The following NF1 variants were observed in gnomAD, a reference collection of about 807,000 sequenced individuals.
NF1 encodes the protein neurofibromin 1, also known as neurofibromin.
In NF1, 122 loss-of-function variants were observed where a neutral mutation model predicts 325.7. That is an observed-to-expected ratio of 0.37 (90% confidence interval 0.32 to 0.44). NF1 has a LOEUF of 0.44. Among genes scored for constraint, NF1 ranks in the 20% least tolerant of loss-of-function variants. The pLI is 1.00. For synonymous variants in NF1, 1,091 were observed against 1,186.0 expected (o/e 0.92, Z 1.65); for missense variants, 2,140 against 3,415.4 (o/e 0.63, Z 9.31).
chr17:31,279,910 G>T (rs1419721679), intron 36 of NF1, among the ~76,000 whole-genome samples: 1 of 152,076 alleles, frequency 6.6e-6, no homozygotes, highest in African/African-American at 2.4e-5. Flanking sequence ...CATAATCAAA[G>T]AAAAATGATT....
chr17:31,350,534 T>C (rs2070114613), intron 50 of NF1, among the ~76,000 whole-genome samples: 1 of 152,178 alleles, frequency 6.6e-6, no homozygotes, highest in Admixed American at 6.5e-5. Flanking sequence ...AATGTTAACA[T>C]TAGTTTGCCT....
Position 31,371,554 on chromosome 17 carries a change from A to T in NF1, c.8378-2459A>T, listed in dbSNP as rs552826547. Among the ~76,000 whole-genome samples, 19 of 152,334 alleles carry T rather than the reference A, an allele frequency of 1.2e-4. 1 individual carries two copies. The South Asian group carries it at 3.5e-3, about 28-fold the overall frequency. Reference sequence around the variant, plus strand: ...GGAGAGGATGCAAATAAATATACAGAAGAGAATTTAAATAGACCAGAATTC... The same window carrying T: ...GGAGAGGATGCAAATAAATATACAGTAGAGAATTTAAATAGACCAGAATTC... On this transcript the variant is annotated intron_variant, in intron 57 of 57. Coordinates refer to ENST00000358273, the MANE Select transcript of NF1 (RefSeq NM_001042492.3).
chr17:31,208,891 CA>C (rs965125397), intron 12 of NF1, among the ~76,000 whole-genome samples: 10 of 147,852 alleles, frequency 6.8e-5, no homozygotes, highest in African/African-American at 2.2e-4. Context: ...GAATCGGTCT[CA>C]AAAAAAAAAT....
intron 14 of NF1, among the ~76,000 whole-genome samples, chr17:31,220,835 C>A (rs2066909083): frequency 6.6e-6 from 1 of 151,968 alleles, no homozygotes; most frequent in Non-Finnish European, 1.5e-5. Flanking sequence ...AAAACTAGTG[C>A]CAGTAAATTG....
intron 36 of NF1, chr17:31,295,128 A>G: frequency 1.9e-6 from 3 of 1,614,062 alleles, no homozygotes; most frequent in Admixed American, 1.7e-5. Flanking sequence ...TCCCTCCATA[A>G]GTTAAGGGTT....
chr17:31,305,436 T>A (rs1370747422), intron 36 of NF1: 2 of 1,614,226 alleles, frequency 1.2e-6, no homozygotes, highest in Non-Finnish European at 8.5e-7. Flanking sequence ...ATTGTGTTGG[T>A]TGACCCAAAG....
Position 31,260,284 on chromosome 17 carries a change from C to T in NF1, c.4431-85C>T, listed in dbSNP as rs1290535814. 8.6e-6 allele frequency: 12 copies of T among 1,396,058 alleles called. No individual in the cohort carries two copies. The East Asian group carries it at 2.7e-4, about 32-fold the overall frequency. The allele number at this position is 1,396,058 out of a possible 1,614,324, so 86.5% of individuals were successfully genotyped here. ...CATATTTGTAATCTTAGTTACTTCA[C>T]AAAGTTACTTCTTATAAATTTAATT... On this transcript the variant is annotated intron_variant, in intron 33 of 57. Transcript: ENST00000358273.
chr17:31,291,340 G>T (rs2068339641), intron 36 of NF1, among the ~76,000 whole-genome samples: 1 of 152,010 alleles, frequency 6.6e-6, no homozygotes, highest in Non-Finnish European at 1.5e-5. Context: ...ATATTTTTCA[G>T]ATTTTCCCCA....
chr17:31,202,387 C>T (rs1162957603), intron 11 of NF1, among the ~76,000 whole-genome samples: 1 of 151,990 alleles, frequency 6.6e-6, no homozygotes, highest in Non-Finnish European at 1.5e-5. Context: ...GAAAATAACC[C>T]TTCACCTCAT....
chr17:31,151,049 TAAATA>T (rs1567812218), intron 1 of NF1, among the ~76,000 whole-genome samples: 12 of 148,516 alleles, frequency 8.1e-5, no homozygotes, highest in Admixed American at 7.4e-4. Context: ...AAAAAATAAA[TAAATA>T]AATAAAAATA....
intron 25 of NF1, 111 bp from the exon 26 acceptor site, chr17:31,232,589 G>A: frequency 9.6e-7 from 1 of 1,043,954 alleles, no homozygotes; most frequent in Non-Finnish European, 1.4e-6. Flanking sequence ...GAGAGAAACA[G>A]TTAACCCAGG....
At chr17:31,129,852 A>G (rs1597594492) in intron 1 of NF1, among the ~76,000 whole-genome samples, 1 of 152,086 alleles carries the variant, frequency 6.6e-6, no homozygotes, top group Non-Finnish European at 1.5e-5. Context: ...TTGGGTTTCA[A>G]CATTCTCCTG....
intron 23 of NF1, 115 bp downstream of exon 23, chr17:31,230,497 A>G: frequency 1.5e-6 from 2 of 1,297,880 alleles, no homozygotes; most frequent in Admixed American, 1.8e-5. Flanking sequence ...AAAGAGAGCA[A>G]TTTACATGTT....
rs189742499 is a variant in NF1, at chr17:31,253,146, T to G, written c.4173+146T>G. On this transcript the variant is annotated intron_variant, in intron 31 of 57. Transcript: ENST00000358273. ...ATTCTGGCACAAAATAGCTTTCATT[T>G]CAATTAACCCTGGAATTAAGTTACA... is the stretch of plus-strand genomic sequence containing the variant. 5.4e-5 allele frequency: 36 copies of G among 666,536 alleles called. No individual in the cohort carries two copies. The Middle Eastern group carries it at 3.2e-3, about 59-fold the overall frequency. 41.3% of individuals were successfully genotyped at this position (666,536 alleles called of 1,614,324 possible).
chr17:31,141,865 T>C (rs1916240879), intron 1 of NF1, among the ~76,000 whole-genome samples: 1 of 152,208 alleles, frequency 6.6e-6, no homozygotes, highest in Non-Finnish European at 1.5e-5. Context: ...TGTGGGCTTC[T>C]TCCTGGTTTA....
chr17:31,108,498 A>T (rs114232135), intron 1 of NF1, among the ~76,000 whole-genome samples: 1,721 of 151,746 alleles, frequency 0.011, 27 homozygotes, highest in African/African-American at 0.039. Context: ...TTGGTCTCGA[A>T]CTCCTGACCT....
Position 31,336,338 on chromosome 17 carries a change from A to G in NF1, c.6012A>G (p.Thr2004=), listed in dbSNP as rs1232336416. The change falls in exon 41 of 58, where the codon ACA becomes ACG. Residue 2004 remains threonine, a synonymous_variant. Coordinates refer to ENST00000358273, the MANE Select transcript of NF1 (RefSeq NM_001042492.3). The surrounding 1 kb of genome is among the most constrained non-coding windows in gnomAD (Gnocchi z 5.5). ...AKIWGSLGQI[T]DLLDVVLDSF... ...TATTTTCCTTCTTCAACTAGATTAC[A>G]GATCTGCTTGATGTTGTACTAGACA... is the stretch of plus-strand genomic sequence containing the variant. The G allele has an allele frequency of 2.5e-6, 4 of 1,613,916 alleles. No homozygotes were observed. Among genetic ancestry groups the G allele is most frequent in the African/African-American group, 1.3e-5 (1 of 74,926 alleles).
In NF1 at chr17:31,356,948, A is replaced by G. The variant is rs778057828; in HGVS notation, c.7739-12A>G. 1.7e-5 allele frequency: 27 copies of G among 1,613,594 alleles called. No homozygotes were observed. Among genetic ancestry groups the G allele is most frequent in the Middle Eastern group, 1.6e-4 (1 of 6,082 alleles). ...AGGTGTTTGATCACGTTAATTCCCT[A>G]TCTTGCTGCAGAAACTCAGAGGATT... is the stretch of plus-strand genomic sequence containing the variant. On this transcript the variant is annotated splice_polypyrimidine_tract_variant and intron_variant, in intron 52 of 57. Transcript: ENST00000358273.
At chr17:31,117,586 T>C (rs1236532843) in intron 1 of NF1, among the ~76,000 whole-genome samples, 1 of 136,760 alleles carries the variant, frequency 7.3e-6, no homozygotes, top group African/African-American at 2.8e-5. Flanking sequence ...GACAGGAGAA[T>C]GACGTGAACA....
Sources: gnomAD v4.1 joint callset for allele counts (sites outside exome capture counted in the v4.1 genomes callset) on GRCh38, gnomAD v4.1.1 for gene constraint, Gnocchi (gnomAD v3.1) non-coding constraint, MANE v1.5 for transcripts, NCBI Gene and HGNC (gene_info 2026-07-23, HGNC 2026-07-21) for gene names.